SCAF4: variants seen among roughly 807,000 people sequenced by gnomAD.
The protein encoded by SCAF4 is SR-related and CTD-associated factor 4.
Under a neutral mutation model 129.8 loss-of-function variants are expected in SCAF4, and 25 were observed. The observed-to-expected ratio is 0.19, with a 90% CI of 0.14 to 0.27. The LOEUF is 0.27. Among genes scored for constraint, SCAF4 ranks in the 10% least tolerant of loss-of-function variants. The probability of loss-of-function intolerance (pLI) is 1.00; values close to 1 mark genes in which losing one functional copy is unlikely to be tolerated. For missense variants in SCAF4, 1,246 were observed against 1,457.1 expected, an observed-to-expected ratio of 0.86 and a Z score of 2.36; for synonymous variants, 551 against 497.7, an observed-to-expected ratio of 1.11 and a Z score of -1.43.
chr21:31,725,861 AT>A (rs1303033460), intron 1 of SCAF4, among the ~76,000 whole-genome samples: 9 of 152,086 alleles, frequency 5.9e-5, no homozygotes, highest in Non-Finnish European at 1.0e-4. Context: ...CTCTTTATTA[AT>A]TTTTTTGTTT....
At chr21:31,702,874 G>A (rs921368658) in intron 4 of SCAF4, among the ~76,000 whole-genome samples, 3 of 152,094 alleles carry the variant, frequency 2.0e-5, no homozygotes, top group African/African-American at 7.2e-5. Flanking sequence ...GGTTTTGGGT[G>A]TATTTTTCCC....
At position 31,704,020 on chromosome 21, in the gene SCAF4, T is replaced by A. The variant is rs2050594824; in HGVS notation, c.160-94A>T. The A allele has an allele frequency of 9.9e-6, 7 of 708,574 alleles. No individual in the cohort carries two copies. The Admixed American group carries it at 1.8e-4, about 18-fold the overall frequency. 43.9% of individuals were successfully genotyped at this position (708,574 alleles called of 1,614,324 possible). On this transcript the variant is annotated intron_variant, in intron 3 of 19. Coordinates refer to ENST00000286835, the MANE Select transcript of SCAF4 (RefSeq NM_020706.2). ...CATTTATGAAACTTTTATATATCCA[T>A]CCAATGATTGCTTTTGTTTAAAAAC...
intron 1 of SCAF4, among the ~76,000 whole-genome samples, chr21:31,724,547 T>C (rs1468729383): frequency 1.3e-5 from 2 of 152,230 alleles, no homozygotes; most frequent in Non-Finnish European, 2.9e-5. Context: ...TAAAGGTTCA[T>C]TACTGATGTA....
At chr21:31,676,197 T>TA (rs1180547615) in intron 19 of SCAF4, among the ~76,000 whole-genome samples, 1 of 152,196 alleles carries the variant, frequency 6.6e-6, no homozygotes, top group Non-Finnish European at 1.5e-5. Context: ...TCAACAACCC[T>TA]ATCTTCCATT....
intron 19 of SCAF4, among the ~76,000 whole-genome samples, chr21:31,681,557 T>C (rs2049994986): frequency 6.6e-6 from 1 of 152,190 alleles, no homozygotes; most frequent in Non-Finnish European, 1.5e-5. Flanking sequence ...TAATATTCCT[T>C]CTCTCCTAAG....
intron 2 of SCAF4, 65 bp from the exon 3 acceptor site, chr21:31,705,532 A>G (rs993694634): frequency 1.6e-4 from 110 of 695,944 alleles, no homozygotes; most frequent in Non-Finnish European, 2.3e-4. Flanking sequence ...ATAATTAGAA[A>G]ATTCTTAAAA....
chr21:31,686,449 G>A (rs567016516), intron 16 of SCAF4, among the ~76,000 whole-genome samples: 13 of 152,204 alleles, frequency 8.5e-5, no homozygotes, highest in East Asian at 1.9e-4. Flanking sequence ...TCTCCCACCC[G>A]CTTTAGTTAG....
At position 31,694,297 on chromosome 21, in the gene SCAF4, A is replaced by T. The variant is rs764322457; in HGVS notation, c.1237-8T>A. The T allele has an allele frequency of 3.7e-5, 57 of 1,532,394 alleles. 2 individuals are homozygous for T. In the South Asian group the frequency reaches 5.5e-4, roughly 15 times the overall value. The allele number at this position is 1,532,394 out of a possible 1,614,324, so 94.9% of individuals were successfully genotyped here. A position where few individuals can be genotyped will look rare whatever the true frequency, so the allele number is the denominator to read the frequency against. On this transcript the variant is annotated splice_polypyrimidine_tract_variant and splice_region_variant and intron_variant, in intron 10 of 19. Coordinates refer to ENST00000286835, the MANE Select transcript of SCAF4 (RefSeq NM_020706.2). Reference sequence around the variant, plus strand: ...TTGTTCTACTTCCATTTCCTTAAAAAACAAAAACCATGATAAAATGAGAAA... The same window carrying T: ...TTGTTCTACTTCCATTTCCTTAAAATACAAAAACCATGATAAAATGAGAAA...
intron 19 of SCAF4, among the ~76,000 whole-genome samples, chr21:31,675,587 C>T (rs941416275): frequency 6.6e-6 from 1 of 152,012 alleles, no homozygotes; most frequent in African/African-American, 2.4e-5. Flanking sequence ...TTAACTCCCC[C>T]GGAATATAGG....
intron 4 of SCAF4, among the ~76,000 whole-genome samples, chr21:31,702,891 G>C (rs2050568891): frequency 6.6e-6 from 1 of 152,068 alleles, no homozygotes; most frequent in Admixed American, 6.6e-5. Flanking sequence ...TCCCACAAGA[G>C]CATTCTTCCA....
rs2123714097 is a variant in SCAF4, at chr21:31,732,031, GC to G, written c.-340del. On this transcript the variant is annotated 5_prime_UTR_variant, in exon 1 of 20. Transcript: ENST00000286835. ...CGCCCTCACGCACTGGCTCACACTG[GC>G]CCGGCCGGCGAGCGGGCGGGCCTCT... is the stretch of plus-strand genomic sequence containing the variant. 1 of 435,956 alleles carries G rather than the reference GC, an allele frequency of 2.3e-6. No individual in the cohort carries two copies. Among genetic ancestry groups the G allele is most frequent in the Non-Finnish European group, 4.0e-6 (1 of 250,554 alleles). 27.0% of individuals were successfully genotyped at this position (435,956 alleles called of 1,614,324 possible). A position where few individuals can be genotyped will look rare whatever the true frequency, so the allele number is the denominator to read the frequency against.
chr21:31,693,960 T>C (rs756744471), intron 11 of SCAF4, among the ~76,000 whole-genome samples: 1 of 152,154 alleles, frequency 6.6e-6, no homozygotes, highest in Non-Finnish European at 1.5e-5. Context: ...TGTATAGAAT[T>C]ATATCTTCAA....
chr21:31,700,201 T>C (rs1360119873), intron 7 of SCAF4, among the ~76,000 whole-genome samples: 1 of 144,728 alleles, frequency 6.9e-6, no homozygotes, highest in Non-Finnish European at 1.5e-5. Context: ...CACACACAAA[T>C]AATATATAAT....
intron 7 of SCAF4, 107 bp downstream of exon 7, chr21:31,700,888 C>T (rs756240542): frequency 3.2e-6 from 4 of 1,245,292 alleles, no homozygotes; most frequent in Middle Eastern, 3.7e-4. Flanking sequence ...TCTCAAATTA[C>T]AAAACGACAT....
At chr21:31,711,674 G>C (rs1440675545) in intron 1 of SCAF4, among the ~76,000 whole-genome samples, 1 of 152,040 alleles carries the variant, frequency 6.6e-6, no homozygotes, top group Non-Finnish European at 1.5e-5. Flanking sequence ...AAATATATTA[G>C]CCCAGAAGAA....
At chr21:31,721,635 G>A (rs1457159305) in intron 1 of SCAF4, among the ~76,000 whole-genome samples, 1 of 152,032 alleles carries the variant, frequency 6.6e-6, no homozygotes, top group Non-Finnish European at 1.5e-5. Context: ...GTCCACCCAG[G>A]TGCAGGCAGT....
intron 19 of SCAF4, among the ~76,000 whole-genome samples, chr21:31,675,402 T>A (rs1308333332): frequency 1.3e-5 from 2 of 152,194 alleles, no homozygotes; most frequent in African/African-American, 4.8e-5. Context: ...ATTCGGAGAA[T>A]CCAGCAGTGA....
At chr21:31,714,234 G>T (rs757036999) in intron 1 of SCAF4, among the ~76,000 whole-genome samples, 1 of 152,084 alleles carries the variant, frequency 6.6e-6, no homozygotes, top group Non-Finnish European at 1.5e-5. Flanking sequence ...AATAAACACC[G>T]TTAGGTGCAG....
At position 31,693,284 on chromosome 21, in the gene SCAF4, G is replaced by A. The variant is rs539022007; in HGVS notation, c.1513+10C>T. ...TAGTACATGAGGTTTGAATATAAAGGTTGAGTTACCACTTGCAGTTTCCGG... is the reference window on the plus strand; with the variant it reads ...TAGTACATGAGGTTTGAATATAAAGATTGAGTTACCACTTGCAGTTTCCGG... On this transcript the variant is annotated intron_variant, in intron 12 of 19. Coordinates refer to ENST00000286835, the MANE Select transcript of SCAF4 (RefSeq NM_020706.2). The A allele has an allele frequency of 2.1e-6, 3 of 1,450,268 alleles. No homozygotes were observed. Among genetic ancestry groups the A allele is most frequent in the South Asian group, 1.5e-5 (1 of 68,622 alleles). 89.8% of individuals were successfully genotyped at this position (1,450,268 alleles called of 1,614,324 possible). A position where few individuals can be genotyped will look rare whatever the true frequency, so the allele number is the denominator to read the frequency against.
Sources: gnomAD v4.1 joint callset for allele counts (sites outside exome capture counted in the v4.1 genomes callset) on GRCh38, gnomAD v4.1.1 for gene constraint, MANE v1.5 for transcripts, NCBI Gene and HGNC (gene_info 2026-07-23, HGNC 2026-07-21) for gene names.